KRAS: variants seen among roughly 807,000 people sequenced by gnomAD.
The protein encoded by KRAS is KRas proto-oncogene, GTPase, also known as GTPase KRas.
In KRAS, 1 loss-of-function variant was observed where a neutral mutation model predicts 21.0. The observed-to-expected ratio is 0.05, with a 90% CI of 0.02 to 0.23. KRAS has a LOEUF of 0.23. KRAS is among the 10% of genes least tolerant of loss of function. The pLI is 1.00. For missense variants in KRAS, 107 were observed against 221.8 expected (o/e 0.48, Z 3.29); for synonymous variants, 67 against 72.5 (o/e 0.92, Z 0.39).
chr12:25,223,258 T>C (rs768108711), intron 4 of KRAS, among the ~76,000 whole-genome samples: 12 of 152,204 alleles, frequency 7.9e-5, no homozygotes, highest in Non-Finnish European at 1.3e-4. Context: ...CTAGGTAGTA[T>C]ATTTGCAAAT....
At chr12:25,241,876 T>C (rs956852056) in intron 2 of KRAS, among the ~76,000 whole-genome samples, 5 of 152,186 alleles carry the variant, frequency 3.3e-5, no homozygotes, top group African/African-American at 1.2e-4. Flanking sequence ...TTACTAAAGA[T>C]ATATGTATAA....
chr12:25,231,090 T>A (rs930851076), intron 2 of KRAS, among the ~76,000 whole-genome samples: 1 of 133,390 alleles, frequency 7.5e-6, no homozygotes, highest in Non-Finnish European at 1.6e-5. Flanking sequence ...CCACCTCACA[T>A]TCTTTTTTTT....
At chr12:25,223,370 T>G (rs1032631376) in intron 4 of KRAS, among the ~76,000 whole-genome samples, 2 of 152,058 alleles carry the variant, frequency 1.3e-5, no homozygotes, top group Non-Finnish European at 2.9e-5. Flanking sequence ...GTACCTTCTC[T>G]CCTAAGAAAA....
At chr12:25,233,525 G>A (rs1951504001) in intron 2 of KRAS, among the ~76,000 whole-genome samples, 1 of 152,184 alleles carries the variant, frequency 6.6e-6, no homozygotes, top group South Asian at 2.1e-4. Context: ...AGGTAGGTTA[G>A]ATCATGTCAT....
At chr12:25,228,178 CTTTTTTTTTTTT>C (rs34584556) in intron 2 of KRAS, among the ~76,000 whole-genome samples, 8 of 76,780 alleles carry the variant, frequency 1.0e-4, no homozygotes, top group Admixed American at 1.8e-4. Context: ...TTTCTTTCAT[CTTTTTTTTTTTT>C]TTTTTTTTTT....
In KRAS at chr12:25,209,157, T is replaced by C. The variant is rs1303259567; in HGVS notation, c.*638A>G. ...GGAAATGGCCTTATAATAGTTTCCA[T>C]TGCCTTGTAATTTTTTTCCATTTTT... On this transcript the variant is annotated 3_prime_UTR_variant, in exon 5 of 5. Transcript: ENST00000311936. 2.0e-5 allele frequency: 13 copies of C among 655,570 alleles called. No homozygotes were observed. The highest frequency in any genetic ancestry group is 3.9e-4 in the Middle Eastern group (1 of 2,544). The allele number at this position is 655,570 out of a possible 1,614,324, so 40.6% of individuals were successfully genotyped here. A position where few individuals can be genotyped will look rare whatever the true frequency, so the allele number is the denominator to read the frequency against.
intron 4 of KRAS, among the ~76,000 whole-genome samples, chr12:25,212,398 A>G (rs1046170730): frequency 1.3e-5 from 2 of 152,208 alleles, no homozygotes; most frequent in Non-Finnish European, 1.5e-5. Context: ...TTATGTTGCA[A>G]TGAACTCTCC....
Position 25,232,172 on chromosome 12 carries a change from T to G in KRAS, c.112-4760A>C, listed in dbSNP as rs138936542. Among the ~76,000 whole-genome samples, 6 of 152,148 alleles carry G rather than the reference T, an allele frequency of 3.9e-5. No homozygotes were observed. The South Asian group carries it at 6.2e-4, about 16-fold the overall frequency. On this transcript the variant is annotated intron_variant, in intron 2 of 4. Transcript: ENST00000311936. ...CTGTATTTGGAGGAAGAAAAAAAAATATGCATCAATGTAGACTCTTTCAAA... is the reference window on the plus strand; with the variant it reads ...CTGTATTTGGAGGAAGAAAAAAAAAGATGCATCAATGTAGACTCTTTCAAA...
intron 1 of KRAS, 95 bp from the exon 2 acceptor site, chr12:25,245,490 A>G: frequency 8.2e-7 from 1 of 1,222,892 alleles, no homozygotes; most frequent in Non-Finnish European, 1.2e-6. Context: ...CTTTTAATAC[A>G]AACTCACCTT....
Position 25,205,482 on chromosome 12 carries a change from A to G in KRAS, c.*4313T>C, listed in dbSNP as rs561395827. ...GCATATGTCCCACAAAAGAAAGCAC[A>G]ATGTACAAAATGTGCATGTTTCAGT... On this transcript the variant is annotated 3_prime_UTR_variant, in exon 5 of 5. Transcript: ENST00000311936. The G allele has an allele frequency of 9.3e-6, 2 of 215,648 alleles. No individual in the cohort carries two copies. Among genetic ancestry groups the G allele is most frequent in the South Asian group, 3.7e-4 (2 of 5,374 alleles). 13.4% of individuals were successfully genotyped at this position (215,648 alleles called of 1,614,324 possible).
At chr12:25,242,959 T>C (rs538489314) in intron 2 of KRAS, among the ~76,000 whole-genome samples, 1 of 152,238 alleles carries the variant, frequency 6.6e-6, no homozygotes, top group South Asian at 2.1e-4. Flanking sequence ...AAAATCTAAA[T>C]CACCAAAAAA....
At position 25,250,776 on chromosome 12, in the gene KRAS, G is replaced by C; in HGVS notation, c.-37C>G. 1 of 205,318 alleles carries C rather than the reference G, an allele frequency of 4.9e-6. No homozygotes were observed. The highest frequency in any genetic ancestry group is 9.9e-6 in the Non-Finnish European group (1 of 100,798). 12.7% of individuals were successfully genotyped at this position (205,318 alleles called of 1,614,324 possible). The stretch of plus-strand genomic sequence containing the variant: ...CTCTCTCCCGCACCTGGGAGCCGCT[G>C]AGCCTCTGGCCCCGCCGCCGCCTTC... On this transcript the variant is annotated 5_prime_UTR_variant, in exon 1 of 5. Transcript: ENST00000311936.
intron 3 of KRAS, among the ~76,000 whole-genome samples, 197 bp downstream of exon 3, chr12:25,227,037 G>A (rs61762367): frequency 4.6e-5 from 7 of 151,998 alleles, no homozygotes; most frequent in South Asian, 2.1e-4. Flanking sequence ...CACCACTACC[G>A]ATGCAGTCTG....
chr12:25,226,287 A>C (rs1951391008), intron 3 of KRAS, among the ~76,000 whole-genome samples: 2 of 152,206 alleles, frequency 1.3e-5, no homozygotes, highest in African/African-American at 4.8e-5. Flanking sequence ...TCTACATGTT[A>C]ATCATTTTCA....
chr12:25,246,028 C>T (rs1233248591), intron 1 of KRAS, among the ~76,000 whole-genome samples: 4 of 150,634 alleles, frequency 2.7e-5, no homozygotes, highest in African/African-American at 9.8e-5. Context: ...CAAAGAAGAA[C>T]AATATTTGAC....
chr12:25,215,638 G>A, intron 4 of KRAS: 1 of 1,196,950 alleles, frequency 8.4e-7, no homozygotes, highest in South Asian at 1.3e-5. Context: ...TGTGCAAGAA[G>A]TTTGAGATTA....
intron 2 of KRAS, chr12:25,234,083 T>C (rs1489248315): frequency 1.1e-5 from 2 of 179,552 alleles, no homozygotes; most frequent in African/African-American, 4.7e-5. Flanking sequence ...AACAAGCACA[T>C]GTTTAAGATA....
chr12:25,208,167 T>TAAA lies in KRAS; in HGVS notation c.*1625_*1627dup, dbSNP rs71065923. ...AAATGGAATATAAATTACATAGTTG[T>TAAA]AAAAAAAAAAAACTAAGAGTTTGAG... On this transcript the variant is annotated 3_prime_UTR_variant, in exon 5 of 5. Transcript: ENST00000311936. The TAAA allele has an allele frequency of 2.2e-4, 48 of 221,258 alleles. No homozygotes were observed. Among genetic ancestry groups the TAAA allele is most frequent in the East Asian group, 3.9e-4 (6 of 15,222 alleles). The allele number at this position is 221,258 out of a possible 1,614,324, so 13.7% of individuals were successfully genotyped here. A position where few individuals can be genotyped will look rare whatever the true frequency, so the allele number is the denominator to read the frequency against.
intron 4 of KRAS, among the ~76,000 whole-genome samples, chr12:25,212,069 A>G (rs61763578): frequency 3.7e-4 from 57 of 152,344 alleles, no homozygotes; most frequent in Non-Finnish European, 5.0e-4. Flanking sequence ...CCAATGATAC[A>G]ATAAAAATTA....
Sources: allele counts gnomAD v4.1 joint callset (sites outside exome capture counted in the v4.1 genomes callset), GRCh38; gene constraint gnomAD v4.1.1; transcripts MANE v1.5; gene names NCBI Gene and HGNC (gene_info 2026-07-23, HGNC 2026-07-21).